VIPR2: variants seen among roughly 807,000 people sequenced by gnomAD.
VIPR2 encodes the protein vasoactive intestinal polypeptide receptor 2.
A neutral mutation model predicts 58.0 loss-of-function variants in VIPR2; 48 were observed. That is an observed-to-expected ratio of 0.83 (90% CI 0.66 to 1.05). The LOEUF is 1.05. Among genes scored for constraint, VIPR2 ranks in the 50% least tolerant of loss-of-function variants. VIPR2 has a pLI of 0.00. For synonymous variants in VIPR2, 243 were observed against 235.2 expected, an observed-to-expected ratio of 1.03 and a Z score of -0.30; for missense variants, 534 against 558.0, an observed-to-expected ratio of 0.96 and a Z score of 0.43.
rs1479856979 is a variant in VIPR2, at chr7:159,127,530, G to A, written c.151+14916C>T. Among the ~76,000 whole-genome samples, 2 of 152,174 alleles carry A rather than the reference G, an allele frequency of 1.3e-5. No individual in the cohort carries two copies. Among genetic ancestry groups the A allele is most frequent in the Non-Finnish European group, 2.9e-5 (2 of 68,032 alleles). On this transcript the variant is annotated intron_variant, in intron 2 of 12. Transcript: ENST00000262178. This position sits in a 1 kb window ranked among gnomAD's most constrained non-coding sequence, Gnocchi z 4.6. ...AACATCCAAGTATGCTCCAAATTGA[G>A]CCTGAGTCAGTCCAATACATGTGGT...
At chr7:159,083,539 C>T (rs532117362) in intron 4 of VIPR2, among the ~76,000 whole-genome samples, 96 of 152,290 alleles carry the variant, frequency 6.3e-4, no homozygotes, top group Admixed American at 2.5e-3. Flanking sequence ...ACACAGCACG[C>T]GGGTTCAACA....
intron 6 of VIPR2, among the ~76,000 whole-genome samples, chr7:159,040,354 T>A (rs1409212611): frequency 6.6e-6 from 1 of 152,218 alleles, no homozygotes; most frequent in Non-Finnish European, 1.5e-5. Context: ...GGAGCCTCTG[T>A]GTGAGCACGT....
intron 5 of VIPR2, among the ~76,000 whole-genome samples, chr7:159,047,739 G>A (rs367718663): frequency 5.3e-5 from 8 of 152,276 alleles, no homozygotes; most frequent in Middle Eastern, 3.4e-3. Context: ...ATCGCTGAGC[G>A]TTTACACAAC....
intron 6 of VIPR2, among the ~76,000 whole-genome samples, chr7:159,038,081 G>T (rs1854086348): frequency 6.6e-6 from 1 of 152,034 alleles, no homozygotes. Flanking sequence ...TATATATATG[G>T]GTGGATACAC....
At chr7:159,078,775 T>A (rs539394736) in intron 4 of VIPR2, among the ~76,000 whole-genome samples, 12 of 152,262 alleles carry the variant, frequency 7.9e-5, no homozygotes, top group African/African-American at 2.9e-4. Flanking sequence ...GTAAACCCAA[T>A]TACACGTTAT....
intron 7 of VIPR2, among the ~76,000 whole-genome samples, chr7:159,036,470 A>G (rs567075165): frequency 6.6e-6 from 1 of 152,304 alleles, no homozygotes; most frequent in East Asian, 1.9e-4. Flanking sequence ...TGAAGTGGGT[A>G]GAGGCGGAGG....
At chr7:159,089,808 G>A (rs190639371) in intron 4 of VIPR2, among the ~76,000 whole-genome samples, 165 of 152,374 alleles carry the variant, frequency 1.1e-3, no homozygotes, top group African/African-American at 3.7e-3. Flanking sequence ...ATGGCAGGAG[G>A]AGGCAGCATT....
chr7:159,137,972 C>T (rs1454513551), intron 2 of VIPR2, among the ~76,000 whole-genome samples: 4 of 152,194 alleles, frequency 2.6e-5, no homozygotes, highest in Non-Finnish European at 2.9e-5. Flanking sequence ...TGCTCTCTGC[C>T]GTGGATGCCA....
rs756608273 is a variant in VIPR2 at position 159,103,736 on chromosome 7, T to C, written c.357+21A>G. ...GTTAGGAAGTGGAACCTCACCACCG[T>C]AGCACCACGCAGGAGCCTACCTTGC... On this transcript the variant is annotated intron_variant, in intron 4 of 12. Transcript: ENST00000262178. The C allele has an allele frequency of 5.6e-6, 9 of 1,601,086 alleles. No individual in the cohort carries two copies. The Admixed American group carries it at 6.7e-5, about 12-fold the overall frequency.
At chr7:159,135,386 CGCACCCCT>C (rs1372647656) in intron 2 of VIPR2, among the ~76,000 whole-genome samples, 1 of 151,702 alleles carries the variant, frequency 6.6e-6, no homozygotes, top group Admixed American at 6.6e-5. Flanking sequence ...GAGCCCAGAT[CGCACCCCT>C]GCACTCCAAT....
intron 7 of VIPR2, 134 bp from the exon 8 acceptor site, chr7:159,036,146 T>A: frequency 1.8e-6 from 2 of 1,088,838 alleles, no homozygotes; most frequent in Non-Finnish European, 2.5e-6. Context: ...GTTTAAAGTC[T>A]TTGTAAATAT....
Position 159,058,563 on chromosome 7 carries a change from G to C in VIPR2, c.373C>G (p.Leu125Val), listed in dbSNP as rs201334085. 1 of 1,611,462 alleles carries C rather than the reference G, an allele frequency of 6.2e-7. No individual in the cohort carries two copies. Reference protein sequence around the residue: ...EDESKITFYILVKAIYTLGYS... With the variant: ...EDESKITFYIVVKAIYTLGYS... Reference sequence around the variant, plus strand: ...CCCAGTGTATAAATGGCCTTCACCAGAATATAAAACGTGATCTACAAAGAA... The same window carrying C: ...CCCAGTGTATAAATGGCCTTCACCACAATATAAAACGTGATCTACAAAGAA... The change falls in exon 5 of 13, where the codon CTG (leucine) becomes GTG (valine). Residue 125 changes from leucine to valine, a missense_variant. Transcript: ENST00000262178.
At chr7:159,048,642 G>T (rs574984572) in intron 5 of VIPR2, among the ~76,000 whole-genome samples, 1 of 152,184 alleles carries the variant, frequency 6.6e-6, no homozygotes, top group Non-Finnish European at 1.5e-5. Flanking sequence ...CAACTTTAAT[G>T]TATTATTAAT....
intron 4 of VIPR2, among the ~76,000 whole-genome samples, chr7:159,072,583 G>A (rs962714072): frequency 6.6e-6 from 1 of 152,174 alleles, no homozygotes; most frequent in African/African-American, 2.4e-5. Flanking sequence ...GCACAAAAAC[G>A]AAAGACACAG....
intron 4 of VIPR2, among the ~76,000 whole-genome samples, chr7:159,101,367 C>T (rs1471905884): frequency 7.9e-5 from 10 of 126,262 alleles, no homozygotes; most frequent in South Asian, 2.9e-4. Flanking sequence ...ACGGGTCTCA[C>T]GAGATCCGAC....
chr7:159,053,152 C>CT (rs1855105091), intron 5 of VIPR2, among the ~76,000 whole-genome samples: 3 of 151,974 alleles, frequency 2.0e-5, no homozygotes, highest in Admixed American at 6.6e-5. Context: ...GTGTCTCACT[C>CT]TGTCGCCCAG....
Position 159,030,864 on chromosome 7 carries a change from C to T in VIPR2, c.1144-75G>A, listed in dbSNP as rs1217415537. ...CGGCTGCTATGGGAAGCGCGGCCCGCGAGCCTCCAGCTCTCCCTCCCGCCT... is the reference window on the plus strand; with the variant it reads ...CGGCTGCTATGGGAAGCGCGGCCCGTGAGCCTCCAGCTCTCCCTCCCGCCT... On this transcript the variant is annotated intron_variant, in intron 12 of 12. Transcript: ENST00000262178. 5 of 1,418,762 alleles carry T rather than the reference C, an allele frequency of 3.5e-6. No homozygotes were observed. The South Asian group carries it at 6.1e-5, about 17-fold the overall frequency. 87.9% of individuals were successfully genotyped at this position (1,418,762 alleles called of 1,614,324 possible). A position where few individuals can be genotyped will look rare whatever the true frequency, so the allele number is the denominator to read the frequency against.
At chr7:159,094,706 C>T (rs1323481344) in intron 4 of VIPR2, among the ~76,000 whole-genome samples, 4 of 152,184 alleles carry the variant, frequency 2.6e-5, no homozygotes, top group Non-Finnish European at 4.4e-5. Context: ...GCAGACAGCC[C>T]GTAATCAGTG....
In VIPR2 at chr7:159,034,575, A is replaced by G; in HGVS notation, c.879+6T>C. 1.2e-6 allele frequency: 2 copies of G among 1,612,422 alleles called. No individual in the cohort carries two copies. Among genetic ancestry groups the G allele is most frequent in the East Asian group, 2.2e-5 (1 of 44,846 alleles). ...GATAATCCACATGTCAACAGGGACT[A>G]CTTACGATGATGGAAATTAAAATCG... On this transcript the variant is annotated splice_donor_region_variant and intron_variant, in intron 9 of 12. Coordinates refer to ENST00000262178, the MANE Select transcript of VIPR2 (RefSeq NM_003382.5).
Sources: allele counts gnomAD v4.1 joint callset (sites outside exome capture counted in the v4.1 genomes callset), GRCh38; gene constraint gnomAD v4.1.1; non-coding constraint Gnocchi (gnomAD v3.1); transcripts MANE v1.5; gene names NCBI Gene and HGNC (gene_info 2026-07-23, HGNC 2026-07-21).